The following KCNIP4 variants were observed in gnomAD, a reference collection of about 807,000 sequenced individuals.
KCNIP4 encodes the protein potassium voltage-gated channel interacting protein 4.
Under a neutral mutation model 34.0 loss-of-function variants are expected in KCNIP4, and 12 were observed. The observed-to-expected ratio is 0.35, with a 90% CI of 0.23 to 0.57. The LOEUF (loss-of-function observed/expected upper bound fraction) is 0.57, where lower values mean the gene tolerates loss of function less well. Ranked by LOEUF, KCNIP4 falls within the 20% of genes least tolerant of loss-of-function variation. The probability of loss-of-function intolerance (pLI) is 0.83; values close to 1 mark genes in which losing one functional copy is unlikely to be tolerated. For missense variants in KCNIP4, 238 were observed against 311.7 expected (o/e 0.76, Z 1.78); for synonymous variants, 124 against 102.2 (o/e 1.21, Z -1.29).
Position 21,362,229 on chromosome 4 carries a change from T to C in KCNIP4, c.62-479520A>G, listed in dbSNP as rs1001353607. 4.6e-5 allele frequency among the ~76,000 whole-genome samples: 7 copies of C among 152,242 alleles called. No individual in the cohort carries two copies. In the South Asian group the frequency reaches 1.2e-3, roughly 27 times the overall value. On this transcript the variant is annotated intron_variant, in intron 1 of 8. Transcript: ENST00000382152. ...TTTCATAATGAAGCTATATCACTTA[T>C]TAGAAAATTATGCAGATGAACCCTG...
At chr4:21,264,937 A>G (rs1761700268) in intron 1 of KCNIP4, among the ~76,000 whole-genome samples, 1 of 151,948 alleles carries the variant, frequency 6.6e-6, no homozygotes, top group Non-Finnish European at 1.5e-5. Flanking sequence ...CATCTCTACT[A>G]AAAATAAAAC....
At chr4:21,724,376 AAAGTTACAAATAATAC>A (rs1406449486) in intron 1 of KCNIP4, among the ~76,000 whole-genome samples, 1 of 152,022 alleles carries the variant, frequency 6.6e-6, no homozygotes, top group Non-Finnish European at 1.5e-5. Flanking sequence ...TTGTGGGAAA[AAAGTTACAAATAATAC>A]AAGTGAGATA....
chr4:21,773,204 A>G (rs1322711670), intron 1 of KCNIP4, among the ~76,000 whole-genome samples: 3 of 152,028 alleles, frequency 2.0e-5, no homozygotes, highest in Non-Finnish European at 4.4e-5. Context: ...AGGCTGTCCA[A>G]TTTCCATGAA....
At chr4:20,804,500 A>C (rs1714807728) in intron 3 of KCNIP4, among the ~76,000 whole-genome samples, 1 of 152,120 alleles carries the variant, frequency 6.6e-6, no homozygotes, top group Non-Finnish European at 1.5e-5. Flanking sequence ...TTTTTCTTCT[A>C]AAACCACATA....
At chr4:21,249,628 C>A (rs1211792263) in intron 1 of KCNIP4, among the ~76,000 whole-genome samples, 4 of 152,050 alleles carry the variant, frequency 2.6e-5, no homozygotes, top group Non-Finnish European at 5.9e-5. Flanking sequence ...TCTCTTTCCT[C>A]CTCCTTTACT....
intron 1 of KCNIP4, among the ~76,000 whole-genome samples, chr4:21,075,210 A>G (rs1280287529): frequency 3.9e-5 from 6 of 152,006 alleles, no homozygotes. Flanking sequence ...TTTCTGTCTC[A>G]TTGATCTGTC....
chr4:20,949,246 C>T (rs1732518504), intron 1 of KCNIP4, among the ~76,000 whole-genome samples: 1 of 152,214 alleles, frequency 6.6e-6, no homozygotes, highest in South Asian at 2.1e-4. Context: ...TCTGTAGCAT[C>T]TTGAAACTCT....
chr4:21,422,578 G>T (rs887401192), intron 1 of KCNIP4, among the ~76,000 whole-genome samples: 2 of 152,138 alleles, frequency 1.3e-5, no homozygotes, highest in Non-Finnish European at 2.9e-5. Flanking sequence ...AAGCAATCTT[G>T]GGGGTGATGC....
intron 1 of KCNIP4, among the ~76,000 whole-genome samples, chr4:21,266,292 T>C (rs551641901): frequency 6.6e-6 from 1 of 152,280 alleles, no homozygotes; most frequent in Admixed American, 6.5e-5. Flanking sequence ...TTATAGTCAT[T>C]TTTGCACAAA....
intron 1 of KCNIP4, among the ~76,000 whole-genome samples, chr4:21,740,869 T>C (rs1310128677): frequency 6.6e-6 from 1 of 152,108 alleles, no homozygotes; most frequent in Non-Finnish European, 1.5e-5. Flanking sequence ...GGTTCACAGA[T>C]GGTCAAGAAA....
intron 1 of KCNIP4, among the ~76,000 whole-genome samples, chr4:21,178,690 C>A (rs1754617384): frequency 6.6e-6 from 1 of 152,094 alleles, no homozygotes; most frequent in Admixed American, 6.6e-5. Context: ...GTGTTTGCTT[C>A]CTCCTGTCCT....
intron 1 of KCNIP4, among the ~76,000 whole-genome samples, chr4:21,565,626 C>T (rs1739820647): frequency 6.6e-6 from 1 of 152,094 alleles, no homozygotes; most frequent in African/African-American, 2.4e-5. Context: ...CAACATTCAC[C>T]TAAAGCAACT....
intron 1 of KCNIP4, among the ~76,000 whole-genome samples, chr4:21,158,154 A>C (rs1000085578): frequency 2.0e-5 from 3 of 152,300 alleles, no homozygotes; most frequent in South Asian, 4.1e-4. Context: ...AACACATTAA[A>C]GTTACAGTTA....
At chr4:21,014,454 G>C (rs1291407416) in intron 1 of KCNIP4, among the ~76,000 whole-genome samples, 1 of 152,138 alleles carries the variant, frequency 6.6e-6, no homozygotes, top group Non-Finnish European at 1.5e-5. Context: ...CCCTATGCCT[G>C]AATCACAGGA....
intron 1 of KCNIP4, among the ~76,000 whole-genome samples, chr4:21,842,432 G>A (rs1481448480): frequency 6.6e-6 from 1 of 151,864 alleles, no homozygotes; most frequent in Non-Finnish European, 1.5e-5. Context: ...ATTTATCTCT[G>A]AATATGTCAT....
chr4:20,857,211 G>C (rs752279888), intron 2 of KCNIP4, among the ~76,000 whole-genome samples: 2 of 151,998 alleles, frequency 1.3e-5, no homozygotes, highest in African/African-American at 2.4e-5. Flanking sequence ...GCAATCACCA[G>C]CATATGATAA....
chr4:21,716,718 C>G (rs972667932), intron 1 of KCNIP4, among the ~76,000 whole-genome samples: 2 of 152,052 alleles, frequency 1.3e-5, no homozygotes, highest in Admixed American at 1.3e-4. Flanking sequence ...GATTATTAAC[C>G]CATTTGTTTC....
At chr4:20,753,304 A>G (rs561065856) in intron 4 of KCNIP4, among the ~76,000 whole-genome samples, 1 of 152,236 alleles carries the variant, frequency 6.6e-6, no homozygotes, top group East Asian at 1.9e-4. Context: ...TAGAGTAGAA[A>G]AAACCCCTAG....
intron 1 of KCNIP4, among the ~76,000 whole-genome samples, chr4:21,281,747 A>G (rs1302340206): frequency 1.3e-5 from 2 of 152,224 alleles, no homozygotes; most frequent in Non-Finnish European, 2.9e-5. Flanking sequence ...TAACCTGTGT[A>G]CATATGGCAA....
Sources: gnomAD v4.1 joint callset for allele counts (sites outside exome capture counted in the v4.1 genomes callset) on GRCh38, gnomAD v4.1.1 for gene constraint, MANE v1.5 for transcripts, NCBI Gene and HGNC (gene_info 2026-07-23, HGNC 2026-07-21) for gene names.